Variants in KCNIP4 observed in about 807,000 individuals in gnomAD.
KCNIP4 encodes the protein potassium voltage-gated channel interacting protein 4, also known as Kv channel-interacting protein 4.
KCNIP4 carries 12 observed loss-of-function variants against 34.0 expected under a neutral mutation model. The observed-to-expected ratio is 0.35, with a 90% CI of 0.23 to 0.57. The LOEUF is 0.57. KCNIP4 is among the 20% of genes least tolerant of loss of function. The pLI is 0.83. For synonymous variants in KCNIP4, 124 were observed against 102.2 expected (o/e 1.21, Z -1.29); for missense variants, 238 against 311.7 (o/e 0.76, Z 1.78).
At chr4:21,431,091 C>G (rs1283503987) in intron 1 of KCNIP4, among the ~76,000 whole-genome samples, 1 of 151,842 alleles carries the variant, frequency 6.6e-6, no homozygotes, top group Non-Finnish European at 1.5e-5. Flanking sequence ...TTGTCACAAA[C>G]TTGCCATGAG....
intron 1 of KCNIP4, among the ~76,000 whole-genome samples, chr4:20,990,384 C>A (rs1283288936): frequency 6.6e-6 from 1 of 152,152 alleles, no homozygotes; most frequent in Non-Finnish European, 1.5e-5. Flanking sequence ...GAATGGACTT[C>A]TTTAAAATAT....
intron 1 of KCNIP4, among the ~76,000 whole-genome samples, chr4:21,524,644 C>A (rs900726514): frequency 1.3e-5 from 2 of 152,098 alleles, no homozygotes; most frequent in African/African-American, 2.4e-5. Context: ...TTCAGGGAAA[C>A]CTTCTAAGTC....
At chr4:21,292,939 A>G (rs1335966823) in intron 1 of KCNIP4, among the ~76,000 whole-genome samples, 1 of 152,170 alleles carries the variant, frequency 6.6e-6, no homozygotes, top group African/African-American at 2.4e-5. Flanking sequence ...TATAAATTCA[A>G]TGAATGAATG....
intron 1 of KCNIP4, among the ~76,000 whole-genome samples, chr4:21,942,935 T>C (rs764912235): frequency 3.4e-5 from 5 of 145,250 alleles, no homozygotes; most frequent in African/African-American, 5.7e-5. Context: ...ATTTTTGTAT[T>C]TCTAGTAGAG....
At chr4:21,644,302 C>T (rs1354463970) in intron 1 of KCNIP4, among the ~76,000 whole-genome samples, 1 of 151,966 alleles carries the variant, frequency 6.6e-6, no homozygotes, top group Non-Finnish European at 1.5e-5. Context: ...TGGAGAAATT[C>T]CAATAAGGTA....
At chr4:20,733,540 T>C (rs1489301718) in intron 6 of KCNIP4, among the ~76,000 whole-genome samples, 1 of 152,180 alleles carries the variant, frequency 6.6e-6, no homozygotes, top group African/African-American at 2.4e-5. Flanking sequence ...GATAGAGTAA[T>C]TTGTAAACAG....
intron 1 of KCNIP4, among the ~76,000 whole-genome samples, chr4:20,927,272 C>G (rs1282705836): frequency 1.3e-5 from 2 of 152,142 alleles, no homozygotes; most frequent in African/African-American, 4.8e-5. Context: ...CCACCGTGCC[C>G]TGCCCTTATT....
chr4:21,546,203 C>A (rs2109007696), intron 1 of KCNIP4, among the ~76,000 whole-genome samples: 1 of 152,216 alleles, frequency 6.6e-6, no homozygotes. Flanking sequence ...ATAATCATAG[C>A]AATGACATTT....
chr4:21,713,263 G>GT (rs1196551737), intron 1 of KCNIP4, among the ~76,000 whole-genome samples: 39 of 152,156 alleles, frequency 2.6e-4, no homozygotes, highest in African/African-American at 7.7e-4. Context: ...TACTGCTGCT[G>GT]TTTCTACTAG....
intron 1 of KCNIP4, among the ~76,000 whole-genome samples, chr4:21,028,423 G>A (rs144023957): frequency 3.0e-4 from 46 of 152,200 alleles, no homozygotes; most frequent in African/African-American, 1.0e-3. Context: ...CACATAATCT[G>A]GCTTCCATAT....
At chr4:21,781,981 A>G (rs1398711166) in intron 1 of KCNIP4, among the ~76,000 whole-genome samples, 1 of 152,134 alleles carries the variant, frequency 6.6e-6, no homozygotes, top group Non-Finnish European at 1.5e-5. Flanking sequence ...ATAAATCAAA[A>G]TGAAATTCAA....
At chr4:21,199,105 G>A (rs376317086) in intron 1 of KCNIP4, among the ~76,000 whole-genome samples, 11 of 152,278 alleles carry the variant, frequency 7.2e-5, no homozygotes, top group Non-Finnish European at 1.5e-4. Flanking sequence ...GGATGGCTGG[G>A]TCAAATGGTA....
intron 1 of KCNIP4, among the ~76,000 whole-genome samples, chr4:21,035,733 C>A (rs973435994): frequency 6.6e-5 from 10 of 152,178 alleles, no homozygotes; most frequent in African/African-American, 2.4e-4. Context: ...CTCATATTCC[C>A]TGAGATTCCT....
chr4:21,134,068 G>T (rs1051980378), intron 1 of KCNIP4, among the ~76,000 whole-genome samples: 1 of 152,018 alleles, frequency 6.6e-6, no homozygotes, highest in Non-Finnish European at 1.5e-5. Context: ...TCTAACTTGA[G>T]TTCTCAAAAT....
chr4:21,918,678 A>G (rs1728775470), intron 1 of KCNIP4, among the ~76,000 whole-genome samples: 1 of 152,186 alleles, frequency 6.6e-6, no homozygotes, highest in Non-Finnish European at 1.5e-5. Context: ...ATTTGAAACA[A>G]ATTTCTAATT....
chr4:20,823,004 T>C (rs1285960701), intron 3 of KCNIP4, among the ~76,000 whole-genome samples: 2 of 152,116 alleles, frequency 1.3e-5, no homozygotes, highest in African/African-American at 2.4e-5. Context: ...TAAAAATAGA[T>C]AGAGAGCAGC....
At chr4:21,483,408 G>A (rs1366558880) in intron 1 of KCNIP4, among the ~76,000 whole-genome samples, 14 of 152,042 alleles carry the variant, frequency 9.2e-5, no homozygotes. Flanking sequence ...GGTGGGAGGT[G>A]ATTGAATCAT....
In KCNIP4 at chr4:21,927,261, G is replaced by C. The variant is rs139400922; in HGVS notation, c.61+21310C>G. On this transcript the variant is annotated intron_variant, in intron 1 of 8. Coordinates refer to ENST00000382152, the MANE Select transcript of KCNIP4 (RefSeq NM_025221.6). ...ACCCTGGATAATTGTCCCATATCAA[G>C]GTCCTTAACTTGATTATATCTGCAG... Among the ~76,000 whole-genome samples the C allele has an allele frequency of 2.6e-3, 391 of 152,186 alleles. 2 individuals carry two copies. The highest frequency in any genetic ancestry group is 9.0e-3 in the African/African-American group (372 of 41,512).
intron 1 of KCNIP4, among the ~76,000 whole-genome samples, chr4:21,154,958 T>C (rs191021743): frequency 1.3e-5 from 2 of 152,350 alleles, no homozygotes; most frequent in African/African-American, 4.8e-5. Flanking sequence ...TTTTAGGCTT[T>C]ATAGCCCACA....
Sources: allele counts gnomAD v4.1 joint callset (sites outside exome capture counted in the v4.1 genomes callset), GRCh38; gene constraint gnomAD v4.1.1; transcripts MANE v1.5; gene names NCBI Gene and HGNC (gene_info 2026-07-23, HGNC 2026-07-21).